Variants in VPS33A observed in about 807,000 individuals in gnomAD.
VPS33A encodes vacuolar protein sorting-associated protein 33A.
In VPS33A, 32 loss-of-function variants were observed where a neutral mutation model predicts 71.8. That is an observed-to-expected ratio of 0.45 (90% confidence interval 0.34 to 0.60). The LOEUF is 0.60. VPS33A is among the 20% of genes least tolerant of loss of function. The pLI, the probability that VPS33A is intolerant of heterozygous loss-of-function variation, is 0.02. For synonymous variants in VPS33A, 311 were observed against 292.7 expected (o/e 1.06, Z -0.64); for missense variants, 625 against 748.5 (o/e 0.84, Z 1.92).
At chr12:122,262,517 C>T (rs1211519619) in intron 3 of VPS33A, among the ~76,000 whole-genome samples, 3 of 151,980 alleles carry the variant, frequency 2.0e-5, no homozygotes, top group Non-Finnish European at 2.9e-5. Flanking sequence ...ATTTTAGGGG[C>T]TGCAACAATC....
chr12:122,263,142 G>C (rs1009308234), intron 3 of VPS33A, among the ~76,000 whole-genome samples: 1 of 151,810 alleles, frequency 6.6e-6, no homozygotes, highest in Non-Finnish European at 1.5e-5. Context: ...ACAGGCACAG[G>C]CCACCAAACC....
intron 3 of VPS33A, among the ~76,000 whole-genome samples, chr12:122,262,813 G>T (rs1005739556): frequency 1.3e-5 from 2 of 151,726 alleles, no homozygotes; most frequent in Non-Finnish European, 2.9e-5. Flanking sequence ...AACTTCCTAA[G>T]TTTCTCATCC....
At chr12:122,263,996 A>G (rs539552827) in intron 2 of VPS33A, 138 bp downstream of exon 2, 6 of 740,044 alleles carry the variant, frequency 8.1e-6, no homozygotes, top group African/African-American at 7.0e-5. Flanking sequence ...CAAAATGTTA[A>G]TCGGGCACTA....
At chr12:122,233,081 C>T (rs540596538) in intron 11 of VPS33A, 113 bp from the exon 12 acceptor site, 3 of 1,185,148 alleles carry the variant, frequency 2.5e-6, no homozygotes, top group African/African-American at 3.1e-5. Context: ...GATATACAAC[C>T]CCCACCCCTG....
chr12:122,265,285 T>C (rs902968302), intron 1 of VPS33A, among the ~76,000 whole-genome samples: 3 of 152,138 alleles, frequency 2.0e-5, no homozygotes, highest in Non-Finnish European at 4.4e-5. Context: ...CATATAGACC[T>C]TGGACCATAC....
intron 10 of VPS33A, among the ~76,000 whole-genome samples, chr12:122,237,348 C>A (rs1012174955): frequency 3.1e-4 from 47 of 152,204 alleles, no homozygotes; most frequent in South Asian, 1.7e-3. Context: ...TGCCACTTAC[C>A]AGCCAGGTAA....
chr12:122,234,151 T>G (rs760723612), intron 11 of VPS33A, among the ~76,000 whole-genome samples: 1 of 152,206 alleles, frequency 6.6e-6, no homozygotes, highest in Non-Finnish European at 1.5e-5. Flanking sequence ...TGTAAAAATG[T>G]ATATGCACAG....
chr12:122,244,430 T>G, intron 7 of VPS33A, 139 bp downstream of exon 7: 7 of 686,140 alleles, frequency 1.0e-5, no homozygotes, highest in Non-Finnish European at 1.6e-5. Flanking sequence ...CAATACTGAA[T>G]CTGCAGTTAC....
chr12:122,259,232 T>TG, intron 4 of VPS33A, among the ~76,000 whole-genome samples: 1 of 150,628 alleles, frequency 6.6e-6, no homozygotes, highest in Non-Finnish European at 1.5e-5. Flanking sequence ...TATGTATGTA[T>TG]TTTTGAGACA....
intron 4 of VPS33A, among the ~76,000 whole-genome samples, chr12:122,258,876 G>A (rs542855030): frequency 1.3e-5 from 2 of 151,112 alleles, no homozygotes; most frequent in Non-Finnish European, 2.9e-5. Flanking sequence ...ATCTACTCAG[G>A]AAGCTGAGGC....
chr12:122,238,876 G>A (rs2136126259), intron 9 of VPS33A, 152 bp from the exon 10 acceptor site: 1 of 881,374 alleles, frequency 1.1e-6, no homozygotes, highest in Non-Finnish European at 1.7e-6. Flanking sequence ...GAGATACGTG[G>A]GAAAATGAGT....
chr12:122,241,453 C>T (rs1041755146), intron 8 of VPS33A, among the ~76,000 whole-genome samples: 7 of 151,842 alleles, frequency 4.6e-5, no homozygotes, highest in South Asian at 2.1e-4. Context: ...TACAGGTGCC[C>T]GCCACCACAC....
rs201831186 is a variant in VPS33A at position 122,244,693 on chromosome 12, G to A, written c.845C>T (p.Thr282Met). Reference sequence around the variant, plus strand: ...ATTCAGCTGCAGCTTCTTTGCTTCCGTGGGGAGGTCCTTACCACCATCGCC... The same window carrying A: ...ATTCAGCTGCAGCTTCTTTGCTTCCATGGGGAGGTCCTTACCACCATCGCC... ...KQGDGGKDLPTEAKKLQLNSA... is the reference protein window; with the variant it reads ...KQGDGGKDLPMEAKKLQLNSA... The change falls in exon 7 of 13, where the codon ACG becomes ATG. Residue 282 changes from threonine (T) to methionine (M), a missense_variant. By Grantham distance (81) the Thr-to-Met change is moderately conservative. Coordinates refer to ENST00000267199, the MANE Select transcript of VPS33A (RefSeq NM_022916.6). The A allele has an allele frequency of 5.2e-5, 84 of 1,614,150 alleles. No homozygotes were observed. The highest frequency in any genetic ancestry group is 5.9e-5 in the Non-Finnish European group (70 of 1,180,022).
chr12:122,244,412 G>C (rs1307304224), intron 7 of VPS33A, among the ~76,000 whole-genome samples, 157 bp downstream of exon 7: 2 of 152,124 alleles, frequency 1.3e-5, no homozygotes, highest in African/African-American at 2.4e-5. Context: ...TGAAAACCTC[G>C]GATCTTCCAA....
At chr12:122,255,435 A>G (rs4758674) in intron 4 of VPS33A, among the ~76,000 whole-genome samples, 151,757 of 152,366 alleles carry the variant, frequency 1, 75,577 homozygotes, top group Middle Eastern at 1. Context: ...GTTGGGCGCA[A>G]TGGCCCACGC....
At chr12:122,262,994 T>C (rs926507581) in intron 3 of VPS33A, among the ~76,000 whole-genome samples, 2 of 147,690 alleles carry the variant, frequency 1.4e-5, no homozygotes, top group Non-Finnish European at 3.0e-5. Context: ...TTACACTCTT[T>C]TTTTTTTTTT....
rs201814157 is a variant in VPS33A at position 122,263,652 on chromosome 12, C to T, written c.216G>A (p.Pro72=). Residue 72 remains proline, a synonymous_variant, in exon 3 of 13, where the codon CCG becomes CCA. Coordinates refer to ENST00000267199, the MANE Select transcript of VPS33A (RefSeq NM_022916.6). The part of the protein sequence containing the change: ...KMFTLKGNRL[P]AADVKNIIFF... The stretch of plus-strand genomic sequence containing the variant: ...AAATTATATTCTTCACATCAGCTGC[C>T]GGCAAACGATTTCCTTTAAGTGTGA... 2.0e-5 allele frequency: 33 copies of T among 1,613,232 alleles called. No homozygotes were observed. In the East Asian group the frequency reaches 3.3e-4, roughly 16 times the overall value.
At position 122,234,359 on chromosome 12, in the gene VPS33A, C is replaced by A. The variant is rs145570516; in HGVS notation, c.1441-1391G>T. 4.0e-3 allele frequency among the ~76,000 whole-genome samples: 616 copies of A among 152,226 alleles called. 1 individual carries two copies. The highest frequency in any genetic ancestry group is 0.014 in the African/African-American group (583 of 41,530). On this transcript the variant is annotated intron_variant, in intron 11 of 12. Coordinates refer to ENST00000267199, the MANE Select transcript of VPS33A (RefSeq NM_022916.6). ...GCAGTGCAATCTCAGCTCACTGTAG[C>A]CTCAACCTCCCAGGCTCAGCCTCCT...
intron 6 of VPS33A, among the ~76,000 whole-genome samples, chr12:122,245,507 G>A (rs1201843634): frequency 6.7e-6 from 1 of 149,368 alleles, no homozygotes; most frequent in Non-Finnish European, 1.5e-5. Context: ...GCAATGGCAC[G>A]ATCTCGGCTC....
Sources: allele counts gnomAD v4.1 joint callset (sites outside exome capture counted in the v4.1 genomes callset), GRCh38; gene constraint gnomAD v4.1.1; transcripts MANE v1.5; gene names NCBI Gene and HGNC (gene_info 2026-07-23, HGNC 2026-07-21).